TAX1BP1: variants seen among roughly 807,000 people sequenced by gnomAD.
The protein encoded by TAX1BP1 is tax1-binding protein 1.
A neutral mutation model predicts 97.7 loss-of-function variants in TAX1BP1; 62 were observed. The observed-to-expected ratio is 0.63, with a 90% CI of 0.52 to 0.78. The LOEUF is 0.78. Among genes scored for constraint, TAX1BP1 ranks in the 30% least tolerant of loss-of-function variants. The pLI is 0.00. For missense variants in TAX1BP1, 867 were observed against 916.1 expected (o/e 0.95, Z 0.69); for synonymous variants, 340 against 304.2 (o/e 1.12, Z -1.23).
At chr7:27,796,599 C>T (rs954258316) in intron 12 of TAX1BP1, among the ~76,000 whole-genome samples, 2 of 152,172 alleles carry the variant, frequency 1.3e-5, no homozygotes, top group African/African-American at 2.4e-5. Context: ...CGGTGGCTCA[C>T]GCCTGTAATC....
intron 11 of TAX1BP1, among the ~76,000 whole-genome samples, chr7:27,795,227 T>C (rs981902222): frequency 5.3e-5 from 8 of 152,206 alleles, no homozygotes; most frequent in African/African-American, 9.7e-5. Context: ...TCTGTTTCCA[T>C]GTATCCTCTG....
intron 8 of TAX1BP1, among the ~76,000 whole-genome samples, chr7:27,788,881 G>A (rs1205479924): frequency 2.0e-5 from 3 of 151,858 alleles, no homozygotes; most frequent in East Asian, 1.9e-4. Flanking sequence ...TTGCTACTAT[G>A]GGGCTGCTGC....
chr7:27,810,283 T>C (rs1014268679), intron 13 of TAX1BP1, among the ~76,000 whole-genome samples: 21 of 152,004 alleles, frequency 1.4e-4, no homozygotes, highest in African/African-American at 5.1e-4. Flanking sequence ...CACATGCCAG[T>C]CTTGAATGAC....
At chr7:27,811,125 G>A (rs1229262802) in intron 13 of TAX1BP1, among the ~76,000 whole-genome samples, 2 of 152,048 alleles carry the variant, frequency 1.3e-5, no homozygotes, top group Non-Finnish European at 2.9e-5. Context: ...TCCTAGTACG[G>A]CACCTGTTAC....
intron 5 of TAX1BP1, among the ~76,000 whole-genome samples, chr7:27,775,690 T>A (rs552504411): frequency 6.6e-6 from 1 of 152,278 alleles, no homozygotes; most frequent in East Asian, 1.9e-4. Flanking sequence ...GTAGCCAGGC[T>A]GCAATTGCCC....
rs117386138 is a variant in TAX1BP1, at chr7:27,773,434, G to T, written c.612+3600G>T. Among the ~76,000 whole-genome samples, 803 of 152,066 alleles carry T rather than the reference G, an allele frequency of 5.3e-3. 6 individuals carry two copies. Among genetic ancestry groups the T allele is most frequent in the Non-Finnish European group, 7.8e-3 (528 of 67,948 alleles). On this transcript the variant is annotated intron_variant, in intron 5 of 16. Transcript: ENST00000396319. The stretch of plus-strand genomic sequence containing the variant: ...AAAAGAAAGCTTTTACTTACTTGTG[G>T]TTACTCTACCGTTTACCTTCTGATT...
chr7:27,828,766 C>T lies in TAX1BP1; in HGVS notation c.2307C>T (p.Asp769=), dbSNP rs1782575399. The T allele has an allele frequency of 6.2e-7, 1 of 1,613,794 alleles. No homozygotes were observed. Among genetic ancestry groups the T allele is most frequent in the Admixed American group, 1.7e-5 (1 of 59,980 alleles). ...MCSEQFPPDY[D]QQVFERHVQT... is the part of the protein sequence containing the mutation. Reference sequence around the variant, plus strand: ...GCGAGCAGTTCCCTCCTGACTATGACCAGCAGGTGTTTGAAAGGCATGTGC... The same window carrying T: ...GCGAGCAGTTCCCTCCTGACTATGATCAGCAGGTGTTTGAAAGGCATGTGC... Residue 769 remains aspartate, a synonymous_variant, in exon 17 of 17, where the codon GAC becomes GAT. Coordinates refer to ENST00000396319, the MANE Select transcript of TAX1BP1 (RefSeq NM_006024.7).
intron 13 of TAX1BP1, among the ~76,000 whole-genome samples, chr7:27,803,657 C>T (rs1790226651): frequency 6.6e-6 from 1 of 152,114 alleles, no homozygotes; most frequent in South Asian, 2.1e-4. Flanking sequence ...TTATTGTATT[C>T]ATCACCACCA....
At chr7:27,776,604 G>A (rs1189508043) in intron 5 of TAX1BP1, among the ~76,000 whole-genome samples, 1 of 151,844 alleles carries the variant, frequency 6.6e-6, no homozygotes, top group Non-Finnish European at 1.5e-5. Context: ...GGTTGATTAT[G>A]TTGTGTCCTC....
chr7:27,787,058 G>T (rs756407267), intron 7 of TAX1BP1, among the ~76,000 whole-genome samples: 118 of 152,266 alleles, frequency 7.7e-4, no homozygotes, highest in African/African-American at 2.7e-3. Context: ...GAGTCTTGTC[G>T]TGCCAGATTT....
In TAX1BP1 at chr7:27,828,875, A is replaced by AAAC; in HGVS notation, c.*48_*49insCAA. On this transcript the variant is annotated 3_prime_UTR_variant, in exon 17 of 17. Transcript: ENST00000396319. ...ATATAGTTTAGCAGTAAAAAAAAAA[A>AAAC]AAAAAACCACACCTAAAATAGACCA... The AAAC allele has an allele frequency of 6.6e-7, 1 of 1,504,956 alleles. No individual in the cohort carries two copies. Among genetic ancestry groups the AAAC allele is most frequent in the African/African-American group, 1.4e-5 (1 of 70,688 alleles). 93.2% of individuals were successfully genotyped at this position (1,504,956 alleles called of 1,614,324 possible).
chr7:27,752,117 A>G (rs1359004847), intron 2 of TAX1BP1, among the ~76,000 whole-genome samples: 1 of 152,228 alleles, frequency 6.6e-6, no homozygotes, highest in Non-Finnish European at 1.5e-5. Context: ...AAAGGAATGG[A>G]GGTAAAGAGA....
intron 13 of TAX1BP1, among the ~76,000 whole-genome samples, chr7:27,805,574 C>T (rs117905849): frequency 6.8e-4 from 104 of 152,280 alleles, no homozygotes; most frequent in African/African-American, 2.1e-3. Flanking sequence ...CTGTGGCTTA[C>T]GCCTGTAATC....
chr7:27,827,508 A>G (rs547016552), intron 15 of TAX1BP1, among the ~76,000 whole-genome samples: 1 of 152,190 alleles, frequency 6.6e-6, no homozygotes, highest in African/African-American at 2.4e-5. Context: ...GTATGTCTCT[A>G]TTCCTCTGAA....
intron 1 of TAX1BP1, among the ~76,000 whole-genome samples, chr7:27,740,911 G>A (rs932733870): frequency 5.3e-5 from 8 of 152,204 alleles, no homozygotes; most frequent in Non-Finnish European, 1.0e-4. Flanking sequence ...GCAAGGTGTG[G>A]ACTAGTCCCG....
intron 15 of TAX1BP1, among the ~76,000 whole-genome samples, chr7:27,826,001 C>T (rs1791164890): frequency 4.0e-5 from 6 of 151,766 alleles, no homozygotes; most frequent in Admixed American, 3.3e-4. Flanking sequence ...TGTTCCTTAT[C>T]ACTGTTTTGT....
At chr7:27,743,106 A>G (rs1787682485) in intron 1 of TAX1BP1, among the ~76,000 whole-genome samples, 1 of 152,204 alleles carries the variant, frequency 6.6e-6, no homozygotes, top group Non-Finnish European at 1.5e-5. Context: ...CATTTTAGAA[A>G]CCAACTTATA....
At chr7:27,815,911 G>A (rs1216690477) in intron 13 of TAX1BP1, among the ~76,000 whole-genome samples, 4 of 152,164 alleles carry the variant, frequency 2.6e-5, no homozygotes, top group African/African-American at 9.7e-5. Flanking sequence ...GTGCGCATCT[G>A]TAATCCCAGC....
At chr7:27,794,524 A>G (rs1789847974) in intron 11 of TAX1BP1, 78 bp downstream of exon 11, 3 of 1,390,322 alleles carry the variant, frequency 2.2e-6, no homozygotes, top group Non-Finnish European at 2.9e-6. Flanking sequence ...ATGTGTTAGA[A>G]TTTCAGGATG....
Sources: allele counts gnomAD v4.1 joint callset (sites outside exome capture counted in the v4.1 genomes callset), GRCh38; gene constraint gnomAD v4.1.1; transcripts MANE v1.5; gene names NCBI Gene and HGNC (gene_info 2026-07-23, HGNC 2026-07-21).